The following NT5DC3 variants were observed in gnomAD, a reference collection of about 807,000 sequenced individuals.
NT5DC3 encodes 5'-nucleotidase domain-containing protein 3.
In NT5DC3, 42 loss-of-function variants were observed where a neutral mutation model predicts 67.8. That is an observed-to-expected ratio of 0.62 (90% confidence interval 0.48 to 0.80). The LOEUF is 0.80. Ranked by LOEUF, NT5DC3 falls within the 30% of genes least tolerant of loss-of-function variation. The pLI is 0.00. For synonymous variants in NT5DC3, 237 were observed against 255.6 expected (o/e 0.93, Z 0.69); for missense variants, 570 against 696.4 (o/e 0.82, Z 2.04).
the NT5DC3 span, chr12:103,746,848 T>G: frequency 8.0e-6 from 6 of 750,974 alleles, no homozygotes; most frequent in African/African-American, 5.2e-5. Flanking sequence ...ACTCAGTTTC[T>G]TTAATGGGTG....
At chr12:103,809,758 A>G (rs1053216764) in intron 2 of NT5DC3, among the ~76,000 whole-genome samples, 1 of 152,184 alleles carries the variant, frequency 6.6e-6, no homozygotes, top group African/African-American at 2.4e-5. Flanking sequence ...GGGAGCTACA[A>G]TTCAAGATGA....
the NT5DC3 span, chr12:103,746,753 G>A: frequency 1.3e-6 from 2 of 1,584,050 alleles, no homozygotes; most frequent in Non-Finnish European, 1.7e-6. Context: ...TGTGGGAGAG[G>A]AGCAGGACTT....
intron 6 of NT5DC3, 90 bp from the exon 7 acceptor site, chr12:103,794,087 G>A: frequency 3.1e-6 from 3 of 982,546 alleles, no homozygotes; most frequent in Non-Finnish European, 1.6e-6. Context: ...GGTAACTTCT[G>A]TCCCTAGAAA....
chr12:103,762,955 A>G, the NT5DC3 span, among the ~76,000 whole-genome samples: 1 of 152,146 alleles, frequency 6.6e-6, no homozygotes, highest in Non-Finnish European at 1.5e-5. Flanking sequence ...ATCTTTCCTT[A>G]TGGACTTTGT....
the NT5DC3 span, chr12:103,749,044 G>C: frequency 6.2e-7 from 1 of 1,614,052 alleles, no homozygotes; most frequent in African/African-American, 1.3e-5. Flanking sequence ...GTCTCCTGCA[G>C]CTGCCAGAAG....
At chr12:103,836,589 C>T (rs1483622395) in intron 1 of NT5DC3, among the ~76,000 whole-genome samples, 1 of 152,174 alleles carries the variant, frequency 6.6e-6, no homozygotes, top group African/African-American at 2.4e-5. Context: ...GACTTTTCCC[C>T]GTTTTTGATG....
At chr12:103,771,170 C>T (rs1885173665), downstream of NT5DC3, 1 of 152,170 alleles carries the variant, frequency 6.6e-6, no homozygotes, top group Non-Finnish European at 1.5e-5. Context: ...ATGGAAATGA[C>T]CAGTAGAAAT....
chr12:103,762,158 T>G, the NT5DC3 span: 1 of 1,419,554 alleles, frequency 7.0e-7, no homozygotes, highest in Non-Finnish European at 9.6e-7. Flanking sequence ...AGATACATGT[T>G]AACATGTCAG....
chr12:103,765,086 CAAAAAAAAAAAAAA>C, the NT5DC3 span, among the ~76,000 whole-genome samples: 3 of 66,514 alleles, frequency 4.5e-5, no homozygotes, highest in African/African-American at 2.0e-4. Context: ...GACTCTGTCT[CAAAAAAAAAAAAAA>C]AAAAAAAAAA....
In NT5DC3 at chr12:103,781,468, C is replaced by A. The variant is rs762751411; in HGVS notation, c.1330-1104G>T. On this transcript the variant is annotated intron_variant, in intron 12 of 13. Transcript: ENST00000392876. The stretch of plus-strand genomic sequence containing the variant: ...GCCACCCTTCGGGCCTTACCTCCCA[C>A]GAAGCACCCAGCAGCTGGCTGGGGC... 6.2e-4 allele frequency among the ~76,000 whole-genome samples: 95 copies of A among 152,228 alleles called. 3 individuals carry two copies. The highest frequency in any genetic ancestry group is 1.2e-4 in the Non-Finnish European group (8 of 68,028).
chr12:103,784,600 A>G (rs1271475137), intron 12 of NT5DC3, among the ~76,000 whole-genome samples: 2 of 152,226 alleles, frequency 1.3e-5, no homozygotes, highest in Non-Finnish European at 2.9e-5. Flanking sequence ...TAAAAATGTC[A>G]GCACCCATGC....
chr12:103,767,084 A>G (rs543703988), downstream of NT5DC3, among the ~76,000 whole-genome samples: 8 of 152,278 alleles, frequency 5.3e-5, 1 homozygote, highest in South Asian at 1.7e-3. Flanking sequence ...CTAGGTATAT[A>G]TCCAAGAGAC....
intron 9 of NT5DC3, among the ~76,000 whole-genome samples, chr12:103,790,932 G>A (rs12424984): frequency 0.098 from 14,239 of 145,712 alleles, 923 homozygotes; most frequent in East Asian, 0.28. Flanking sequence ...CTTGTGATCC[G>A]CCCGCCTCAG....
chr12:103,762,331 G>A, the NT5DC3 span: 1 of 1,614,228 alleles, frequency 6.2e-7, no homozygotes, highest in South Asian at 1.1e-5. Flanking sequence ...CCTGGTGACT[G>A]GGGCTGTTGC....
At chr12:103,827,137 C>T (rs2033774) in intron 1 of NT5DC3, among the ~76,000 whole-genome samples, 15,438 of 151,994 alleles carry the variant, frequency 0.1, 1,126 homozygotes, top group East Asian at 0.29. Flanking sequence ...CCCAGCTACT[C>T]GGGAAGCTGA....
Position 103,775,175 on chromosome 12 carries a change from A to G in NT5DC3, c.*2654T>C, listed in dbSNP as rs1885303086. 6.6e-6 allele frequency: 1 copy of G among 152,248 alleles called. No individual in the cohort carries two copies. Among genetic ancestry groups the G allele is most frequent in the Non-Finnish European group, 1.5e-5 (1 of 68,046 alleles). 9.4% of individuals were successfully genotyped at this position (152,248 alleles called of 1,614,324 possible). A position where few individuals can be genotyped will look rare whatever the true frequency, so the allele number is the denominator to read the frequency against. ...CATGGGTCTACAGTCTGCAAGGTACACAGTCAGTGAGCCTTGGTGGCCCAG... is the reference window on the plus strand; with the variant it reads ...CATGGGTCTACAGTCTGCAAGGTACGCAGTCAGTGAGCCTTGGTGGCCCAG... On this transcript the variant is annotated 3_prime_UTR_variant, in exon 14 of 14. Transcript: ENST00000392876.
chr12:103,778,160 CTTCTTT>C, intron 13 of NT5DC3, 79 bp from the exon 14 acceptor site: 4 of 1,318,192 alleles, frequency 3.0e-6, no homozygotes, highest in Middle Eastern at 2.0e-4. Context: ...ATCAAAATCA[CTTCTTT>C]TTTTAAAAAA....
In NT5DC3 at chr12:103,772,416, A is replaced by T. The variant is rs1371176120; in HGVS notation, c.*5413T>A. 22 of 152,550 alleles carry T rather than the reference A, an allele frequency of 1.4e-4. No homozygotes were observed. The highest frequency in any genetic ancestry group is 1.4e-3 in the Admixed American group (22 of 15,288). The allele number at this position is 152,550 out of a possible 1,614,324, so 9.4% of individuals were successfully genotyped here. A position where few individuals can be genotyped will look rare whatever the true frequency, so the allele number is the denominator to read the frequency against. On this transcript the variant is annotated 3_prime_UTR_variant, in exon 14 of 14. Transcript: ENST00000392876. ...CATCTAGAATAAATAGGTCTGCCTA[A>T]TTTGCATTAATTGTGCCTGATATCA...
chr12:103,801,442 T>G (rs889779692), intron 4 of NT5DC3, among the ~76,000 whole-genome samples: 21 of 142,586 alleles, frequency 1.5e-4, no homozygotes, highest in Non-Finnish European at 2.4e-4. Flanking sequence ...GAGTGCAGTG[T>G]CACGATCTCA....
Sources: gnomAD v4.1 joint callset for allele counts (sites outside exome capture counted in the v4.1 genomes callset) on GRCh38, gnomAD v4.1.1 for gene constraint, MANE v1.5 for transcripts, NCBI Gene and HGNC (gene_info 2026-07-23, HGNC 2026-07-21) for gene names.